CASQ2: variants seen among roughly 807,000 people sequenced by gnomAD.
CASQ2 encodes the protein calsequestrin-2.
CASQ2 carries 49 observed loss-of-function variants against 46.5 expected under a neutral mutation model. The ratio of observed to expected loss-of-function variants is 1.05; its 90% confidence interval spans 0.84 to 1.34. The LOEUF is 1.34. Ranked by LOEUF, CASQ2 falls within the 40% of genes most tolerant of loss-of-function variation. CASQ2 has a pLI of 0.00. For missense variants in CASQ2, 486 were observed against 481.3 expected (o/e 1.01, Z -0.09); for synonymous variants, 174 against 168.5 (o/e 1.03, Z -0.25).
At chr1:115,725,870 C>T (rs1647566167) in intron 6 of CASQ2, among the ~76,000 whole-genome samples, 1 of 152,160 alleles carries the variant, frequency 6.6e-6, no homozygotes, top group Admixed American at 6.5e-5. Flanking sequence ...TTTCCTTCCT[C>T]ACAGATAGCC....
At chr1:115,749,832 G>C (rs548087938) in intron 1 of CASQ2, among the ~76,000 whole-genome samples, 63 of 152,310 alleles carry the variant, frequency 4.1e-4, no homozygotes, top group African/African-American at 1.5e-3. Flanking sequence ...CTGCAACCTA[G>C]TCTCACTGCA....
chr1:115,762,394 T>A (rs750343914), intron 1 of CASQ2, among the ~76,000 whole-genome samples: 5 of 152,214 alleles, frequency 3.3e-5, no homozygotes, highest in Admixed American at 2.0e-4. Flanking sequence ...TTTACAATAC[T>A]TGTTTTCATG....
chr1:115,704,135 T>C (rs1405012590), intron 9 of CASQ2, among the ~76,000 whole-genome samples: 3 of 152,320 alleles, frequency 2.0e-5, no homozygotes, highest in East Asian at 3.9e-4. Flanking sequence ...CACCCCCTCC[T>C]CTACATAGGG....
intron 1 of CASQ2, among the ~76,000 whole-genome samples, chr1:115,767,372 T>C (rs1271694758): frequency 6.6e-6 from 1 of 152,194 alleles, no homozygotes; most frequent in Non-Finnish European, 1.5e-5. Context: ...TTTGAAAAAA[T>C]TCAAATCCAC....
intron 10 of CASQ2, among the ~76,000 whole-genome samples, chr1:115,702,538 T>A (rs1654238761): frequency 6.6e-6 from 1 of 152,264 alleles, no homozygotes; most frequent in Admixed American, 6.5e-5. Flanking sequence ...CCTGGGATTC[T>A]AGGCCACAAC....
At chr1:115,762,436 T>C (rs1446905514) in intron 1 of CASQ2, among the ~76,000 whole-genome samples, 1 of 152,118 alleles carries the variant, frequency 6.6e-6, no homozygotes, top group East Asian at 1.9e-4. Context: ...CCTGAAAAAA[T>C]CCCCCATAGC....
intron 8 of CASQ2, among the ~76,000 whole-genome samples, chr1:115,712,787 T>C (rs1448941233): frequency 1.4e-5 from 2 of 139,376 alleles, no homozygotes; most frequent in African/African-American, 2.7e-5. Flanking sequence ...ACCCGGGAGG[T>C]GGAGGTTGCA....
At chr1:115,743,720 C>T (rs920349189) in intron 2 of CASQ2, among the ~76,000 whole-genome samples, 7 of 149,350 alleles carry the variant, frequency 4.7e-5, no homozygotes, top group Non-Finnish European at 8.9e-5. Context: ...CTTACTACTC[C>T]AAATCCAATT....
At chr1:115,739,882 A>C (rs764112577) in intron 3 of CASQ2, among the ~76,000 whole-genome samples, 3 of 152,244 alleles carry the variant, frequency 2.0e-5, no homozygotes, top group Non-Finnish European at 4.4e-5. Context: ...CTGGGGCAGC[A>C]CCATGCTGTC....
intron 7 of CASQ2, among the ~76,000 whole-genome samples, chr1:115,718,346 G>A (rs1269046426): frequency 6.6e-6 from 1 of 152,218 alleles, no homozygotes; most frequent in Non-Finnish European, 1.5e-5. Context: ...CTGGCAGATA[G>A]AGTCAGTGAT....
At chr1:115,708,059 T>A (rs1264145571) in intron 8 of CASQ2, among the ~76,000 whole-genome samples, 1 of 152,198 alleles carries the variant, frequency 6.6e-6, no homozygotes, top group South Asian at 2.1e-4. Context: ...GAATGTGGTA[T>A]ACAAGAACTT....
intron 2 of CASQ2, among the ~76,000 whole-genome samples, chr1:115,741,189 C>T (rs1648163946): frequency 6.6e-6 from 1 of 152,198 alleles, no homozygotes; most frequent in Non-Finnish European, 1.5e-5. Context: ...AAAGTCCCTC[C>T]AAAATCTGTT....
intron 8 of CASQ2, among the ~76,000 whole-genome samples, 162 bp from the exon 9 acceptor site, chr1:115,705,454 C>T (rs1421714847): frequency 6.6e-6 from 1 of 152,156 alleles, no homozygotes; most frequent in Non-Finnish European, 1.5e-5. Flanking sequence ...GCTCCAGGCA[C>T]AGAGCAGATT....
chr1:115,709,884 C>A (rs950437635), intron 8 of CASQ2, among the ~76,000 whole-genome samples: 1 of 152,130 alleles, frequency 6.6e-6, no homozygotes, highest in African/African-American at 2.4e-5. Flanking sequence ...GCTCTGTTCC[C>A]CAGGCTGAAA....
intron 5 of CASQ2, among the ~76,000 whole-genome samples, chr1:115,731,553 G>T (rs1647783601): frequency 6.6e-6 from 1 of 152,144 alleles, no homozygotes; most frequent in Non-Finnish European, 1.5e-5. Flanking sequence ...GAACAATGGT[G>T]CTCATAGCTG....
At chr1:115,719,882 T>A (rs960510682) in intron 7 of CASQ2, among the ~76,000 whole-genome samples, 3 of 152,182 alleles carry the variant, frequency 2.0e-5, no homozygotes, top group African/African-American at 7.2e-5. Context: ...ATTGCATGAA[T>A]CTTCCCTCCT....
chr1:115,725,065 T>C (rs546491509), intron 7 of CASQ2, among the ~76,000 whole-genome samples: 1 of 152,260 alleles, frequency 6.6e-6, no homozygotes, highest in East Asian at 1.9e-4. Context: ...TGTTTTTGTT[T>C]TGTTTTGTTT....
chr1:115,756,910 G>A (rs1045202338), intron 1 of CASQ2, among the ~76,000 whole-genome samples: 1 of 152,136 alleles, frequency 6.6e-6, no homozygotes, highest in Non-Finnish European at 1.5e-5. Flanking sequence ...TTGTGCCACC[G>A]CACTCCAGCC....
chr1:115,733,563 C>T (rs895058078), intron 4 of CASQ2, among the ~76,000 whole-genome samples: 2 of 152,104 alleles, frequency 1.3e-5, no homozygotes, highest in African/African-American at 2.4e-5. Context: ...TAATCAAGCT[C>T]TTGATTGACT....
Sources: allele counts gnomAD v4.1 joint callset (sites outside exome capture counted in the v4.1 genomes callset), GRCh38; gene constraint gnomAD v4.1.1; transcripts MANE v1.5; gene names NCBI Gene and HGNC (gene_info 2026-07-23, HGNC 2026-07-21).